Variants in CEP83 observed in about 807,000 individuals in gnomAD.
The protein encoded by CEP83 is centrosomal protein 83.
A neutral mutation model predicts 101.9 loss-of-function variants in CEP83; 70 were observed. That is an observed-to-expected ratio of 0.69 (90% CI 0.57 to 0.84). CEP83 has a LOEUF of 0.84. Ranked by LOEUF, CEP83 falls within the 40% of genes least tolerant of loss-of-function variation. CEP83 has a pLI of 0.00. For synonymous variants in CEP83, 264 were observed against 267.9 expected (o/e 0.99, Z 0.14); for missense variants, 715 against 787.2 (o/e 0.91, Z 1.10).
chr12:94,303,941 G>A (rs142381452), downstream of CEP83: 192 of 1,606,864 alleles, frequency 1.2e-4, 3 homozygotes, highest in East Asian at 2.6e-3. Context: ...GTTACTTTAC[G>A]TCATTTCAGA....
chr12:94,340,338 T>C (rs1213295656), intron 11 of CEP83, among the ~76,000 whole-genome samples: 1 of 152,174 alleles, frequency 6.6e-6, no homozygotes, highest in Non-Finnish European at 1.5e-5. Context: ...CACAGAGACA[T>C]GGGCATATAA....
chr12:94,284,350 T>A, the CEP83 span, among the ~76,000 whole-genome samples: 1 of 151,740 alleles, frequency 6.6e-6, no homozygotes, highest in Non-Finnish European at 1.5e-5. Context: ...CCTCCCAAAG[T>A]TAGTTCAGTC....
chr12:94,394,874 C>A (rs1022243648), intron 6 of CEP83, among the ~76,000 whole-genome samples: 5 of 152,196 alleles, frequency 3.3e-5, no homozygotes, highest in African/African-American at 1.2e-4. Context: ...TGTAAAAATG[C>A]TCATCATCAC....
rs201643065 is a variant in CEP83 at position 94,412,259 on chromosome 12, C to T, written c.173+59G>A. The T allele has an allele frequency of 2.6e-5, 36 of 1,362,790 alleles. No individual in the cohort carries two copies. In the East Asian group the frequency reaches 8.8e-4, roughly 33 times the overall value. 84.4% of individuals were successfully genotyped at this position (1,362,790 alleles called of 1,614,324 possible). On this transcript the variant is annotated intron_variant, in intron 3 of 16. Transcript: ENST00000397809. ...CTATATTCTATAGCAAACATTCAGC[C>T]AAGATAATGCCAATAACTTTTTAAA...
the CEP83 span, among the ~76,000 whole-genome samples, chr12:94,291,029 C>T: frequency 3.3e-5 from 5 of 152,322 alleles, no homozygotes; most frequent in Non-Finnish European, 2.9e-5. Flanking sequence ...CCCCTTTGCC[C>T]GAAGGGCACT....
chr12:94,309,236 G>C (rs188124302), intron 16 of CEP83, among the ~76,000 whole-genome samples: 193 of 152,244 alleles, frequency 1.3e-3, no homozygotes, highest in Non-Finnish European at 1.7e-3. Context: ...GTGTTTAACA[G>C]CAGTTTATTA....
intron 1 of CEP83, among the ~76,000 whole-genome samples, chr12:94,448,731 G>C (rs2066990459): frequency 6.6e-6 from 1 of 151,992 alleles, no homozygotes; most frequent in South Asian, 2.1e-4. Flanking sequence ...ATTTCGAATT[G>C]AATGAAAACA....
intron 4 of CEP83, among the ~76,000 whole-genome samples, chr12:94,408,787 A>T (rs2063706824): frequency 6.6e-6 from 1 of 151,968 alleles, no homozygotes; most frequent in South Asian, 2.1e-4. Context: ...TTACCCAGTT[A>T]CGTTACCCAG....
At chr12:94,392,014 G>A (rs1219401963) in intron 6 of CEP83, among the ~76,000 whole-genome samples, 1 of 152,126 alleles carries the variant, frequency 6.6e-6, no homozygotes, top group Non-Finnish European at 1.5e-5. Flanking sequence ...CCTACAAAGA[G>A]ACTTAGACTC....
At chr12:94,278,396 T>C in the CEP83 span, among the ~76,000 whole-genome samples, 4 of 152,270 alleles carry the variant, frequency 2.6e-5, no homozygotes, top group African/African-American at 7.2e-5. Flanking sequence ...TATTTGTTCT[T>C]AGACAAAGTA....
the CEP83 span, among the ~76,000 whole-genome samples, chr12:94,288,060 CT>C: frequency 8.5e-5 from 13 of 152,342 alleles, no homozygotes; most frequent in Non-Finnish European, 1.3e-4. Context: ...TGAGGGATAC[CT>C]TCCCCCAGAT....
chr12:94,412,110 A>C (rs1185548365), intron 3 of CEP83, among the ~76,000 whole-genome samples: 1 of 152,206 alleles, frequency 6.6e-6, no homozygotes, highest in Non-Finnish European at 1.5e-5. Flanking sequence ...CTTTCAAAAT[A>C]AGGCTTATAA....
At chr12:94,415,819 C>T (rs569822885) in intron 2 of CEP83, among the ~76,000 whole-genome samples, 1 of 152,154 alleles carries the variant, frequency 6.6e-6, no homozygotes, top group South Asian at 2.1e-4. Context: ...AGTAAGAACA[C>T]AGATAATTTA....
the CEP83 span, among the ~76,000 whole-genome samples, chr12:94,295,570 A>G: frequency 6.6e-6 from 1 of 152,118 alleles, no homozygotes; most frequent in East Asian, 1.9e-4. Context: ...ACTGCAACTG[A>G]GAGCCACCGT....
chr12:94,369,667 G>C (rs2061201173), intron 9 of CEP83: 1 of 264,056 alleles, frequency 3.8e-6, no homozygotes, highest in African/African-American at 2.2e-5. Context: ...CAGGAAGTAT[G>C]GCATCCCATT....
chr12:94,401,766 TAA>T (rs201992229), intron 5 of CEP83, among the ~76,000 whole-genome samples: 2 of 150,114 alleles, frequency 1.3e-5, no homozygotes, highest in Non-Finnish European at 3.0e-5. Flanking sequence ...TGCTTTGATT[TAA>T]AAAAAAAAGT....
intron 13 of CEP83, among the ~76,000 whole-genome samples, 186 bp downstream of exon 13, chr12:94,333,294 CAA>C (rs2059315139): frequency 6.6e-6 from 1 of 151,896 alleles, no homozygotes; most frequent in Non-Finnish European, 1.5e-5. Flanking sequence ...AAAAACAATT[CAA>C]GAGTCAGTAT....
intron 1 of CEP83, among the ~76,000 whole-genome samples, chr12:94,458,227 G>A (rs913263957): frequency 6.6e-6 from 1 of 151,706 alleles, no homozygotes; most frequent in African/African-American, 2.4e-5. Context: ...AACTACCTGT[G>A]AATAATCAGT....
At chr12:94,415,810 G>A (rs1049510490) in intron 2 of CEP83, among the ~76,000 whole-genome samples, 2 of 152,016 alleles carry the variant, frequency 1.3e-5, no homozygotes, top group Non-Finnish European at 2.9e-5. Flanking sequence ...AAAATAATCA[G>A]TAAGAACACA....
Sources: allele counts gnomAD v4.1 joint callset (sites outside exome capture counted in the v4.1 genomes callset), GRCh38; gene constraint gnomAD v4.1.1; transcripts MANE v1.5; gene names NCBI Gene and HGNC (gene_info 2026-07-23, HGNC 2026-07-21).